Variants in GRIK4 observed in about 807,000 individuals in gnomAD.
GRIK4 encodes glutamate receptor ionotropic, kainate 4.
A neutral mutation model predicts 104.9 loss-of-function variants in GRIK4; 40 were observed. That is an observed-to-expected ratio of 0.38 (90% CI 0.30 to 0.50). The LOEUF (loss-of-function observed/expected upper bound fraction) is 0.50, where lower values mean the gene tolerates loss of function less well. GRIK4 is among the 20% of genes least tolerant of loss of function. GRIK4 has a pLI of 0.93. For missense variants in GRIK4, 1,047 were observed against 1,308.1 expected (o/e 0.80, Z 3.08); for synonymous variants, 485 against 524.9 (o/e 0.92, Z 1.04).
chr11:120,680,679 T>G (rs995973184), intron 3 of GRIK4, among the ~76,000 whole-genome samples: 2 of 152,096 alleles, frequency 1.3e-5, no homozygotes, highest in Non-Finnish European at 2.9e-5. Flanking sequence ...GGCTTGAAAA[T>G]GGGGACATCA....
Position 120,986,895 on chromosome 11 carries a change from C to G in GRIK4, c.*635C>G, listed in dbSNP as rs554431681. The G allele has an allele frequency of 6.6e-6, 1 of 152,050 alleles. No individual in the cohort carries two copies. The highest frequency in any genetic ancestry group is 1.5e-5 in the Non-Finnish European group (1 of 68,050). 9.4% of individuals were successfully genotyped at this position (152,050 alleles called of 1,614,324 possible). The stretch of plus-strand genomic sequence containing the variant: ...TGGAATATTGCGTTACCAGTGCATC[C>G]GATTTCAGGTGCTTAACTCTCTGTA... On this transcript the variant is annotated 3_prime_UTR_variant, in exon 21 of 21. Coordinates refer to ENST00000527524, the MANE Select transcript of GRIK4 (RefSeq NM_014619.5).
chr11:120,568,663 CAGGTGTA>C (rs1948361135), intron 1 of GRIK4, among the ~76,000 whole-genome samples: 1 of 152,186 alleles, frequency 6.6e-6, no homozygotes, highest in South Asian at 2.1e-4. Flanking sequence ...GCTGGGATTA[CAGGTGTA>C]AGTCACCATG....
At chr11:120,894,643 C>G (rs944955640) in intron 11 of GRIK4, 2 of 152,266 alleles carry the variant, frequency 1.3e-5, no homozygotes, top group African/African-American at 4.8e-5. Context: ...TTATTTGAAG[C>G]AAAATCAAGC....
At chr11:120,936,030 C>T (rs1394392971) in intron 13 of GRIK4, 1 of 203,618 alleles carries the variant, frequency 4.9e-6, no homozygotes, top group Non-Finnish European at 9.9e-6. Flanking sequence ...GAACCAACTT[C>T]GTCATCATCA....
At chr11:120,569,673 T>C (rs1298754101) in intron 1 of GRIK4, among the ~76,000 whole-genome samples, 2 of 151,812 alleles carry the variant, frequency 1.3e-5, no homozygotes, top group African/African-American at 4.9e-5. Context: ...AAGGGTAGGG[T>C]CATTAGCCAG....
At chr11:120,942,556 G>C (rs1390821308) in intron 14 of GRIK4, among the ~76,000 whole-genome samples, 1 of 152,130 alleles carries the variant, frequency 6.6e-6, no homozygotes, top group East Asian at 1.9e-4. Flanking sequence ...CTGACCCCAA[G>C]TGTTTTTGCC....
Position 120,940,097 on chromosome 11 carries a change from C to A in GRIK4, c.1477-250C>A, listed in dbSNP as rs1565451739. ...TCTGAACAGTCTGGTAGTGATACCC[C>A]CTGTTTTTAAAATTATTTATGTATT... On this transcript the variant is annotated intron_variant, in intron 13 of 20. Coordinates refer to ENST00000527524, the MANE Select transcript of GRIK4 (RefSeq NM_014619.5). This position sits in a 1 kb window ranked among gnomAD's most constrained non-coding sequence, Gnocchi z 4.3. Among the ~76,000 whole-genome samples the A allele has an allele frequency of 1.3e-5, 2 of 152,148 alleles. No individual in the cohort carries two copies. The highest frequency in any genetic ancestry group is 4.8e-5 in the African/African-American group (2 of 41,412).
intron 13 of GRIK4, among the ~76,000 whole-genome samples, chr11:120,907,777 G>A (rs1942901560): frequency 6.6e-6 from 1 of 152,022 alleles, no homozygotes; most frequent in Non-Finnish European, 1.5e-5. Context: ...TGGGGCTGTA[G>A]GGGGAAGGCT....
At chr11:120,793,416 G>C (rs1488843925) in intron 3 of GRIK4, among the ~76,000 whole-genome samples, 1 of 151,590 alleles carries the variant, frequency 6.6e-6, no homozygotes, top group Non-Finnish European at 1.5e-5. Flanking sequence ...AGAGGCTGAA[G>C]AAGAAGGAGG....
intron 1 of GRIK4, among the ~76,000 whole-genome samples, chr11:120,638,511 C>G (rs1056270145): frequency 6.6e-6 from 1 of 150,710 alleles, no homozygotes; most frequent in Non-Finnish European, 1.5e-5. Context: ...GACGGAGTCT[C>G]GTGTCACCCA....
At chr11:120,884,014 G>A (rs78034335) in intron 11 of GRIK4, among the ~76,000 whole-genome samples, 5,289 of 152,284 alleles carry the variant, frequency 0.035, 128 homozygotes, top group Middle Eastern at 0.099. Context: ...CAGGCCTGGG[G>A]AAAGAACAAA....
intron 1 of GRIK4, among the ~76,000 whole-genome samples, chr11:120,571,913 C>T (rs557362099): frequency 2.6e-5 from 4 of 152,200 alleles, no homozygotes; most frequent in Non-Finnish European, 2.9e-5. Flanking sequence ...CAGCCCTGCT[C>T]ATGGTCCTTT....
At chr11:120,666,367 T>C (rs1949914559) in intron 3 of GRIK4, among the ~76,000 whole-genome samples, 1 of 152,072 alleles carries the variant, frequency 6.6e-6, no homozygotes, top group Non-Finnish European at 1.5e-5. Context: ...TGGGACAGGG[T>C]CCTGAATAGC....
intron 3 of GRIK4, among the ~76,000 whole-genome samples, chr11:120,754,697 A>C (rs1951622459): frequency 6.6e-6 from 1 of 152,190 alleles, no homozygotes; most frequent in Admixed American, 6.5e-5. Context: ...CCCGTTTTAC[A>C]TTCCCACCAG....
rs188337922 is a variant in GRIK4 at position 120,790,634 on chromosome 11, C to T, written c.83-12059C>T. On this transcript the variant is annotated intron_variant, in intron 3 of 20. Transcript: ENST00000527524. ...GTGAGTCTGCAAAGACATGTTGGGG[C>T]CAGACTGTGGAGGGCCTGAGGGCCA... 3.2e-3 allele frequency among the ~76,000 whole-genome samples: 480 copies of T among 152,250 alleles called. 3 individuals carry two copies. The highest frequency in any genetic ancestry group is 3.3e-3 in the Non-Finnish European group (224 of 68,008).
chr11:120,655,434 G>T (rs1949691798), intron 2 of GRIK4, among the ~76,000 whole-genome samples: 1 of 152,148 alleles, frequency 6.6e-6, no homozygotes, highest in African/African-American at 2.4e-5. Flanking sequence ...GCCAGATCAT[G>T]GGAGGGTTTA....
rs952176155 is a variant in GRIK4, at chr11:120,716,551, A to G, written c.82+56151A>G. 7.2e-5 allele frequency among the ~76,000 whole-genome samples: 11 copies of G among 152,146 alleles called. No individual in the cohort carries two copies. The South Asian group carries it at 2.3e-3, about 32-fold the overall frequency. On this transcript the variant is annotated intron_variant, in intron 3 of 20. Transcript: ENST00000527524. ...GAGCCACTACGTCTGGCTACGCTCT[A>G]TGTGAATTGAGTGACTGCTATGTGC...
At chr11:120,866,988 A>T (rs1954435840) in intron 9 of GRIK4, among the ~76,000 whole-genome samples, 1 of 152,096 alleles carries the variant, frequency 6.6e-6, no homozygotes, top group Non-Finnish European at 1.5e-5. Context: ...CCTTTTGGAC[A>T]AGTGGGGAAA....
At chr11:120,686,939 C>T (rs1157540792) in intron 3 of GRIK4, among the ~76,000 whole-genome samples, 2 of 152,184 alleles carry the variant, frequency 1.3e-5, no homozygotes, top group Admixed American at 1.3e-4. Context: ...TTATTTCCCT[C>T]TTAGCTTTCT....
Sources: allele counts gnomAD v4.1 joint callset (sites outside exome capture counted in the v4.1 genomes callset), GRCh38; gene constraint gnomAD v4.1.1; non-coding constraint Gnocchi (gnomAD v3.1); transcripts MANE v1.5; gene names NCBI Gene and HGNC (gene_info 2026-07-23, HGNC 2026-07-21).